CACNB2: variants seen among roughly 807,000 people sequenced by gnomAD.
CACNB2 encodes voltage-dependent L-type calcium channel subunit beta-2.
CACNB2 carries 42 observed loss-of-function variants against 73.3 expected under a neutral mutation model. The observed-to-expected ratio is 0.57, with a 90% CI of 0.45 to 0.74. The LOEUF (loss-of-function observed/expected upper bound fraction) is 0.74. Ranked by LOEUF, CACNB2 falls within the 30% of genes least tolerant of loss-of-function variation. CACNB2 has a pLI of 0.00. For synonymous variants in CACNB2, 348 were observed against 310.3 expected (o/e 1.12, Z -1.28); for missense variants, 940 against 853.0 (o/e 1.10, Z -1.27).
chr10:18,391,925 CAAAAAAAAAA>C (rs34698093), intron 2 of CACNB2, among the ~76,000 whole-genome samples: 1 of 84,618 alleles, frequency 1.2e-5, no homozygotes, highest in African/African-American at 4.8e-5. Context: ...AAGACCCTGT[CAAAAAAAAAA>C]AAAAAAAAAA....
At chr10:18,267,846 G>A (rs1191726264) in intron 2 of CACNB2, among the ~76,000 whole-genome samples, 1 of 152,194 alleles carries the variant, frequency 6.6e-6, no homozygotes, top group Non-Finnish European at 1.5e-5. Flanking sequence ...AGTTTCATGT[G>A]TGAATGACAC....
intron 2 of CACNB2, among the ~76,000 whole-genome samples, chr10:18,386,468 T>A (rs897758627): frequency 6.5e-5 from 9 of 139,362 alleles, no homozygotes; most frequent in African/African-American, 2.4e-4. Flanking sequence ...AGTGGCGCCA[T>A]CTCGGCTCAC....
intron 2 of CACNB2, among the ~76,000 whole-genome samples, chr10:18,352,952 T>G (rs957801767): frequency 6.6e-6 from 1 of 152,234 alleles, no homozygotes; most frequent in African/African-American, 2.4e-5. Flanking sequence ...TTTAATAAAG[T>G]TATTTTTCTT....
intron 5 of CACNB2, among the ~76,000 whole-genome samples, chr10:18,503,309 C>A (rs1203117845): frequency 6.6e-6 from 1 of 152,050 alleles, no homozygotes; most frequent in African/African-American, 2.4e-5. Context: ...GCTAATGAAA[C>A]CTTATGGCCA....
intron 3 of CACNB2, among the ~76,000 whole-genome samples, chr10:18,449,155 C>T (rs570639820): frequency 1.3e-5 from 2 of 152,198 alleles, no homozygotes; most frequent in East Asian, 1.9e-4. Flanking sequence ...GGGGCTGAGG[C>T]GGGTGGATCA....
intron 3 of CACNB2, among the ~76,000 whole-genome samples, chr10:18,445,159 G>A (rs1379482499): frequency 1.3e-5 from 2 of 151,998 alleles, no homozygotes; most frequent in African/African-American, 4.8e-5. Context: ...ACATTATTCT[G>A]TTATTTTTTC....
At chr10:18,363,743 G>C (rs138679101) in intron 2 of CACNB2, among the ~76,000 whole-genome samples, 152 of 151,528 alleles carry the variant, frequency 1.0e-3, no homozygotes, top group African/African-American at 3.4e-3. Flanking sequence ...TGTGACACTT[G>C]GTATGGCACC....
chr10:18,392,729 A>G (rs1332578082), intron 2 of CACNB2, among the ~76,000 whole-genome samples: 1 of 152,148 alleles, frequency 6.6e-6, no homozygotes, highest in Admixed American at 6.5e-5. Context: ...ATGAATTTCT[A>G]GACCAAAAAT....
intron 2 of CACNB2, among the ~76,000 whole-genome samples, chr10:18,334,865 T>C (rs1289280366): frequency 1.3e-5 from 2 of 152,216 alleles, no homozygotes. Flanking sequence ...GGCAATTATC[T>C]TTTGAAGTCT....
At chr10:18,425,262 G>C (rs1254285117) in intron 3 of CACNB2, among the ~76,000 whole-genome samples, 1 of 152,108 alleles carries the variant, frequency 6.6e-6, no homozygotes, top group East Asian at 1.9e-4. Context: ...TTGCTGAAAG[G>C]GTTTAATTTG....
chr10:18,272,414 A>G (rs1299290615), intron 2 of CACNB2, among the ~76,000 whole-genome samples: 1 of 152,186 alleles, frequency 6.6e-6, no homozygotes, highest in East Asian at 1.9e-4. Flanking sequence ...AAAACTTCAG[A>G]GAGGGTGGAT....
At chr10:18,471,731 A>T (rs2048198715) in intron 3 of CACNB2, among the ~76,000 whole-genome samples, 1 of 152,216 alleles carries the variant, frequency 6.6e-6, no homozygotes, top group Non-Finnish European at 1.5e-5. Flanking sequence ...AGTACTTAAT[A>T]TACCTGTTGA....
intron 2 of CACNB2, among the ~76,000 whole-genome samples, chr10:18,326,752 G>A (rs1388200142): frequency 2.0e-5 from 3 of 151,962 alleles, no homozygotes; most frequent in African/African-American, 7.3e-5. Flanking sequence ...TTTGAGACAG[G>A]GTCTCACTCT....
At chr10:18,505,014 G>C (rs1193751108) in intron 5 of CACNB2, among the ~76,000 whole-genome samples, 2 of 152,142 alleles carry the variant, frequency 1.3e-5, no homozygotes, top group Non-Finnish European at 2.9e-5. Context: ...TAAAAACTCT[G>C]ATACAGAAAT....
intron 2 of CACNB2, among the ~76,000 whole-genome samples, chr10:18,359,461 A>T (rs1444205151): frequency 6.6e-6 from 1 of 151,844 alleles, no homozygotes; most frequent in Non-Finnish European, 1.5e-5. Flanking sequence ...TTTAGCAGGG[A>T]TGAGATTTTA....
At chr10:18,322,760 A>C (rs915811407) in intron 2 of CACNB2, among the ~76,000 whole-genome samples, 3 of 152,170 alleles carry the variant, frequency 2.0e-5, no homozygotes, top group African/African-American at 7.2e-5. Flanking sequence ...TAGAGACCAC[A>C]GCTGGCTAAG....
intron 11 of CACNB2, among the ~76,000 whole-genome samples, chr10:18,535,123 G>A (rs934207231): frequency 2.6e-5 from 4 of 152,204 alleles, no homozygotes; most frequent in Non-Finnish European, 4.4e-5. Flanking sequence ...AAGATCTGAA[G>A]TCAGTGAACC....
chr10:18,407,105 C>CTTTTTTTTTTTTTTTT (rs2044330298), intron 3 of CACNB2, among the ~76,000 whole-genome samples: 1 of 57,020 alleles, frequency 1.8e-5, no homozygotes, highest in African/African-American at 5.8e-5. Flanking sequence ...ACCTGCTGTT[C>CTTTTTTTTTTTTTTTT]TGTCTTTTTT....
intron 2 of CACNB2, among the ~76,000 whole-genome samples, chr10:18,233,191 C>G (rs1323965603): frequency 6.6e-6 from 1 of 152,164 alleles, no homozygotes; most frequent in African/African-American, 2.4e-5. Flanking sequence ...GCAGATAAGT[C>G]CAGGTATCAT....
Sources: allele counts gnomAD v4.1 joint callset (sites outside exome capture counted in the v4.1 genomes callset), GRCh38; gene constraint gnomAD v4.1.1; transcripts MANE v1.5; gene names NCBI Gene and HGNC (gene_info 2026-07-23, HGNC 2026-07-21).